The following DMXL1 variants were observed in gnomAD, a reference collection of about 807,000 sequenced individuals.
DMXL1 encodes the protein Dmx like 1, also known as dmX-like protein 1.
In DMXL1, 99 loss-of-function variants were observed where a neutral mutation model predicts 319.2. That is an observed-to-expected ratio of 0.31 (90% CI 0.26 to 0.37). The LOEUF (loss-of-function observed/expected upper bound fraction) is 0.37, where lower values mean the gene tolerates loss of function less well. DMXL1 is among the 10% of genes least tolerant of loss of function. The probability of loss-of-function intolerance (pLI) is 1.00; values close to 1 mark genes in which losing one functional copy is unlikely to be tolerated. For synonymous variants in DMXL1, 1,385 were observed against 1,235.2 expected (o/e 1.12, Z -2.54); for missense variants, 3,745 against 3,595.6 (o/e 1.04, Z -1.06).
intron 10 of DMXL1, among the ~76,000 whole-genome samples, chr5:119,130,776 G>A (rs1027224199): frequency 6.6e-6 from 1 of 152,076 alleles, no homozygotes; most frequent in African/African-American, 2.4e-5. Context: ...AATTTAAATT[G>A]TTTTTCATTA....
At chr5:119,072,764 A>G (rs372320868) in intron 1 of DMXL1, among the ~76,000 whole-genome samples, 10 of 152,276 alleles carry the variant, frequency 6.6e-5, no homozygotes, top group Non-Finnish European at 1.3e-4. Context: ...TTTGTTTTCA[A>G]ATAGAGACTG....
chr5:119,071,792 A>T (rs760736021), intron 1 of DMXL1, 136 bp downstream of exon 1: 3 of 714,222 alleles, frequency 4.2e-6, no homozygotes, highest in Non-Finnish European at 6.7e-6. Context: ...AGAACCCAGC[A>T]GACCTGGCCC....
chr5:119,089,497 G>A (rs1299600936), intron 1 of DMXL1, among the ~76,000 whole-genome samples: 1 of 149,782 alleles, frequency 6.7e-6, no homozygotes, highest in African/African-American at 2.5e-5. Flanking sequence ...TAGTAGAGAT[G>A]GGGTTTTGCC....
At chr5:119,235,924 C>T (rs1017945244) in intron 39 of DMXL1, among the ~76,000 whole-genome samples, 1 of 151,782 alleles carries the variant, frequency 6.6e-6, no homozygotes, top group Non-Finnish European at 1.5e-5. Context: ...TGTGTATACC[C>T]TTTCTGAAGA....
chr5:119,150,675 C>G (rs1168311578), intron 18 of DMXL1, among the ~76,000 whole-genome samples: 1 of 151,672 alleles, frequency 6.6e-6, no homozygotes, highest in Non-Finnish European at 1.5e-5. Flanking sequence ...GCCTATAGTC[C>G]TAGCTACTCA....
chr5:119,129,401 G>T lies in DMXL1; in HGVS notation c.1293G>T (p.Gln431His), dbSNP rs773613367. ...SSEASVEDSN[Q>H]ADVKSDEETD... is the part of the protein sequence containing the mutation. The stretch of plus-strand genomic sequence containing the variant: ...AGGCCAGTGTAGAAGATTCTAATCA[G>T]GCAGATGTAAAATCTGATGAAGGTA... The change falls in exon 10 of 44, where the codon CAG becomes CAT. Residue 431 changes from glutamine to histidine, a missense_variant. Physicochemically the swap from Gln to His is conservative, Grantham distance 24 (BLOSUM62 0). Coordinates refer to ENST00000539542, the MANE Select transcript of DMXL1 (RefSeq NM_001290321.3). 6.8e-6 allele frequency: 11 copies of T among 1,608,688 alleles called. No homozygotes were observed. The highest frequency in any genetic ancestry group is 2.2e-5 in the East Asian group (1 of 44,760).
chr5:119,131,003 CTTTT>C (rs35682583), intron 10 of DMXL1, among the ~76,000 whole-genome samples: 2 of 142,292 alleles, frequency 1.4e-5, no homozygotes, highest in Non-Finnish European at 3.1e-5. Flanking sequence ...CATTATATTA[CTTTT>C]TTTTTTTTTT....
chr5:119,194,351 T>A (rs1779221031), intron 30 of DMXL1, among the ~76,000 whole-genome samples: 2 of 152,310 alleles, frequency 1.3e-5, no homozygotes, highest in South Asian at 2.1e-4. Flanking sequence ...AAAATATATT[T>A]TCAGTAGAAC....
intron 38 of DMXL1, among the ~76,000 whole-genome samples, chr5:119,232,753 C>T (rs952794162): frequency 6.6e-6 from 1 of 151,426 alleles, no homozygotes; most frequent in Non-Finnish European, 1.5e-5. Flanking sequence ...GTGGAAGGAT[C>T]ACTTGAGGCC....
intron 10 of DMXL1, among the ~76,000 whole-genome samples, chr5:119,130,756 C>G (rs956808777): frequency 3.9e-5 from 6 of 152,156 alleles, no homozygotes; most frequent in Admixed American, 3.3e-4. Flanking sequence ...TATTGATAAA[C>G]ATTTAAATTA....
chr5:119,110,356 T>C, intron 5 of DMXL1, 73 bp downstream of exon 5: 1 of 1,372,970 alleles, frequency 7.3e-7, no homozygotes, highest in South Asian at 1.7e-5. Flanking sequence ...TGTATTTTAG[T>C]TGTGTAAAAC....
chr5:119,146,750 T>G, intron 15 of DMXL1, 87 bp from the exon 16 acceptor site: 1 of 1,325,926 alleles, frequency 7.5e-7, no homozygotes, highest in Non-Finnish European at 1.0e-6. Flanking sequence ...CTTCTTTTTT[T>G]AAAGTCCAAT....
intron 9 of DMXL1, 152 bp downstream of exon 9, chr5:119,121,291 A>C: frequency 1.8e-6 from 1 of 564,442 alleles, no homozygotes; most frequent in Non-Finnish European, 2.7e-6. Flanking sequence ...TTAATTTATT[A>C]TTTATTTTTA....
intron 14 of DMXL1, 31 bp from the exon 15 acceptor site, chr5:119,144,505 T>C (rs776555294): frequency 2.0e-6 from 3 of 1,476,110 alleles, no homozygotes; most frequent in Non-Finnish European, 1.9e-6. Flanking sequence ...AACACATAGG[T>C]CAACTTACGT....
chr5:119,243,796 A>G (rs1256146968), intron 42 of DMXL1, among the ~76,000 whole-genome samples: 1 of 152,024 alleles, frequency 6.6e-6, no homozygotes, highest in African/African-American at 2.4e-5. Context: ...GTTTCAATTG[A>G]TGGATTTTTC....
chr5:119,120,877 G>C (rs574473369), intron 8 of DMXL1, 94 bp from the exon 9 acceptor site: 2 of 1,011,892 alleles, frequency 2.0e-6, no homozygotes, highest in African/African-American at 1.6e-5. Context: ...AATGTTCTGA[G>C]CTAGGATATA....
chr5:119,207,332 C>T (rs1781921483), intron 34 of DMXL1, among the ~76,000 whole-genome samples: 1 of 151,522 alleles, frequency 6.6e-6, no homozygotes, highest in South Asian at 2.1e-4. Context: ...ATATTAATTC[C>T]TAAAAATATA....
Position 119,082,018 on chromosome 5 carries a change from TATACACACAC to T in DMXL1, c.87+10364_87+10373del, listed in dbSNP as rs200915578. 0.015 allele frequency among the ~76,000 whole-genome samples: 1,102 copies of T among 71,366 alleles called. 24 individuals carry two copies. The East Asian group carries it at 0.17, about 11-fold the overall frequency. 46.8% of individuals were successfully genotyped at this position (71,366 alleles called of 152,430 possible). A position where few individuals can be genotyped will look rare whatever the true frequency, so the allele number is the denominator to read the frequency against. On this transcript the variant is annotated intron_variant, in intron 1 of 43. Coordinates refer to ENST00000539542, the MANE Select transcript of DMXL1 (RefSeq NM_001290321.3). ...AAGGTTATATATATATATATATATATATACACACACACACACACACACACACACACACACA... is the reference window on the plus strand; with the variant it reads ...AAGGTTATATATATATATATATATATACACACACACACACACACACACACA...
intron 23 of DMXL1, 140 bp downstream of exon 23, chr5:119,168,004 G>GT: frequency 1.4e-6 from 1 of 731,646 alleles, no homozygotes; most frequent in Non-Finnish European, 2.0e-6. Flanking sequence ...TTGGTTGTTT[G>GT]GTTTTTTTCT....
Sources: gnomAD v4.1 joint callset for allele counts (sites outside exome capture counted in the v4.1 genomes callset) on GRCh38, gnomAD v4.1.1 for gene constraint, MANE v1.5 for transcripts, NCBI Gene and HGNC (gene_info 2026-07-23, HGNC 2026-07-21) for gene names.